Variants in ELFN1 observed in about 807,000 individuals in gnomAD.
ELFN1 encodes the protein protein ELFN1.
ELFN1 carries 6 observed loss-of-function variants against 7.6 expected under a neutral mutation model. That is an observed-to-expected ratio of 0.79 (90% CI 0.43 to 1.56). The LOEUF (loss-of-function observed/expected upper bound fraction) is 1.56. ELFN1 is among the 40% of genes most tolerant of loss of function. ELFN1 has a pLI of 0.01. For synonymous variants in ELFN1, 657 were observed against 588.1 expected (o/e 1.12, Z -1.70); for missense variants, 1,169 against 1,232.2 (o/e 0.95, Z 0.77).
chr7:1,722,169 T>C lies in ELFN1; in HGVS notation c.-294+12917T>C, dbSNP rs181589881. ...ACAAGTACAGGTGCTTGGCCCTACC[T>C]AGACTTACCAAATCAGGACCCCAGA... is the stretch of plus-strand genomic sequence containing the variant. On this transcript the variant is annotated intron_variant, in intron 3 of 3. Coordinates refer to ENST00000424383, the MANE Select transcript of ELFN1 (RefSeq NM_001128636.4). 2.5e-3 allele frequency among the ~76,000 whole-genome samples: 385 copies of C among 152,092 alleles called. 2 individuals carry two copies. The highest frequency in any genetic ancestry group is 1.9e-3 in the East Asian group (10 of 5,176).
intron 3 of ELFN1, among the ~76,000 whole-genome samples, chr7:1,728,922 A>G (rs541391967): frequency 1.3e-5 from 2 of 152,242 alleles, no homozygotes; most frequent in African/African-American, 4.8e-5. Context: ...CATGATGTCC[A>G]TCATCTCATG....
At chr7:1,713,090 C>T (rs554309615) in intron 3 of ELFN1, among the ~76,000 whole-genome samples, 1 of 152,344 alleles carries the variant, frequency 6.6e-6, no homozygotes, top group Admixed American at 6.5e-5. Flanking sequence ...AGCCCAAGTT[C>T]AGGCTCCTCC....
chr7:1,709,317 T>A (rs916652350), intron 3 of ELFN1, 65 bp downstream of exon 3: 1 of 152,238 alleles, frequency 6.6e-6, no homozygotes, highest in Non-Finnish European at 1.5e-5. Flanking sequence ...ACAGGAACAA[T>A]TCCTAATGAC....
At chr7:1,722,924 G>A (rs1030767519) in intron 3 of ELFN1, among the ~76,000 whole-genome samples, 1 of 152,086 alleles carries the variant, frequency 6.6e-6, no homozygotes, top group Non-Finnish European at 1.5e-5. Context: ...GCTGGGTGCG[G>A]TGGCTCACGC....
upstream of ELFN1, among the ~76,000 whole-genome samples, chr7:1,667,965 T>TTG (rs1554244399): frequency 2.2e-5 from 1 of 44,814 alleles, no homozygotes; most frequent in South Asian, 8.0e-4. The surrounding 1 kb of genome is among the most constrained non-coding windows in gnomAD (Gnocchi z 8.2). Context: ...CCGCTCGGGG[T>TTG]GGGGGGGGGG....
chr7:1,700,461 C>T (rs1463320693), intron 2 of ELFN1, among the ~76,000 whole-genome samples: 1 of 152,248 alleles, frequency 6.6e-6, no homozygotes, highest in African/African-American at 2.4e-5. Context: ...TTGCATACTT[C>T]TTCCCTTCTG....
At chr7:1,713,724 C>T (rs1019287027) in intron 3 of ELFN1, among the ~76,000 whole-genome samples, 6 of 152,168 alleles carry the variant, frequency 3.9e-5, no homozygotes, top group Admixed American at 1.3e-4. Flanking sequence ...CCTTCCCCTC[C>T]GTAGGTCTCG....
rs1349589290 is a variant in ELFN1 at position 1,747,151 on chromosome 7, A to C, written c.*68A>C. On this transcript the variant is annotated 3_prime_UTR_variant, in exon 4 of 4. Transcript: ENST00000424383. ...AGGATCCACCCAGAGACTCAGCACCAAACCCAACACACGCACGCCACCACA... is the reference window on the plus strand; with the variant it reads ...AGGATCCACCCAGAGACTCAGCACCCAACCCAACACACGCACGCCACCACA... 1 of 1,399,940 alleles carries C rather than the reference A, an allele frequency of 7.1e-7. No individual in the cohort carries two copies. The allele number at this position is 1,399,940 out of a possible 1,614,324, so 86.7% of individuals were successfully genotyped here.
intron 3 of ELFN1, among the ~76,000 whole-genome samples, chr7:1,730,631 C>T (rs1424109775): frequency 2.6e-5 from 4 of 152,320 alleles, no homozygotes; most frequent in South Asian, 2.1e-4. Flanking sequence ...GTGCCAATTT[C>T]GGATTTTAAA....
At chr7:1,697,190 C>T (rs1412137343) in intron 2 of ELFN1, among the ~76,000 whole-genome samples, 1 of 152,240 alleles carries the variant, frequency 6.6e-6, no homozygotes, top group African/African-American at 2.4e-5. Context: ...GAGGAGCCCC[C>T]CACCCCTCCA....
intron 3 of ELFN1, among the ~76,000 whole-genome samples, chr7:1,725,680 T>A (rs1487969360): frequency 6.6e-6 from 1 of 152,120 alleles, no homozygotes; most frequent in Non-Finnish European, 1.5e-5. Flanking sequence ...AATTAGACGC[T>A]CCTGTGTGTA....
intron 1 of ELFN1, among the ~76,000 whole-genome samples, chr7:1,687,378 G>T (rs1779079172): frequency 6.6e-6 from 1 of 151,558 alleles, no homozygotes; most frequent in African/African-American, 2.4e-5. Context: ...ACTTAAAAAA[G>T]GGTAGCATAT....
At chr7:1,698,946 C>A (rs1779370612) in intron 2 of ELFN1, among the ~76,000 whole-genome samples, 1 of 152,144 alleles carries the variant, frequency 6.6e-6, no homozygotes, top group Admixed American at 6.5e-5. Flanking sequence ...CTCCAGGTCA[C>A]CTCTCCCCCA....
rs1780745239 is a variant in ELFN1 at position 1,745,322 on chromosome 7, C to T, written c.726C>T (p.Ile242=). 1 of 1,539,572 alleles carries T rather than the reference C, an allele frequency of 6.5e-7. No homozygotes were observed. The highest frequency in any genetic ancestry group is 8.7e-7 in the Non-Finnish European group (1 of 1,146,746). The change falls in exon 4 of 4, where the codon ATC becomes ATT. Residue 242 remains isoleucine (I), a synonymous_variant. Transcript: ENST00000424383. ...LGQGRRGHRS[I]LSKLQSVCTE... ...AGGGCCGCCGCGGCCACCGCAGCAT[C>T]CTCAGCAAACTGCAGTCAGTCTGCA...
At chr7:1,666,074 A>AGCCGCCGCC (rs908277705), upstream of ELFN1, among the ~76,000 whole-genome samples, 1 of 148,694 alleles carries the variant, frequency 6.7e-6, no homozygotes. This position sits in a 1 kb window ranked among gnomAD's most constrained non-coding sequence, Gnocchi z 7.9. Flanking sequence ...AAGGAGGGGA[A>AGCCGCCGCC]GCCGCCGCCG....
At chr7:1,716,869 G>A (rs1314385316) in intron 3 of ELFN1, among the ~76,000 whole-genome samples, 1 of 152,220 alleles carries the variant, frequency 6.6e-6, no homozygotes, top group Non-Finnish European at 1.5e-5. Context: ...AGAGGAAGGA[G>A]AGTAGGGAGA....
At chr7:1,704,999 G>T (rs1779502189) in intron 2 of ELFN1, among the ~76,000 whole-genome samples, 2 of 152,164 alleles carry the variant, frequency 1.3e-5, no homozygotes, top group Non-Finnish European at 2.9e-5. Flanking sequence ...GCCTGGGTGG[G>T]TCTGCGAGAG....
intron 1 of ELFN1, among the ~76,000 whole-genome samples, chr7:1,676,029 C>A (rs115210044): frequency 6.6e-6 from 1 of 152,112 alleles, no homozygotes; most frequent in Non-Finnish European, 1.5e-5. Flanking sequence ...GAGTGCTGAC[C>A]GAGGGAGGCT....
Position 1,745,574 on chromosome 7 carries a change from G to T in ELFN1, c.978G>T (p.Gln326His). The T allele has an allele frequency of 1.3e-6, 2 of 1,550,554 alleles. No individual in the cohort carries two copies. Among genetic ancestry groups the T allele is most frequent in the Non-Finnish European group, 8.7e-7 (1 of 1,146,958 alleles). Residue 326 changes from glutamine to histidine, a missense_variant, in exon 4 of 4, where the codon CAG becomes CAT. Gln to His is a conservative substitution (Grantham distance 24). Transcript: ENST00000424383. The part of the protein sequence containing the change: ...RPLIKVKQLT[Q>H]NSATITVQLP... The stretch of plus-strand genomic sequence containing the variant: ...TCATCAAGGTCAAGCAGCTCACTCA[G>T]AACTCGGCCACCATCACCGTCCAGC...
Sources: allele counts gnomAD v4.1 joint callset (sites outside exome capture counted in the v4.1 genomes callset), GRCh38; gene constraint gnomAD v4.1.1; non-coding constraint Gnocchi (gnomAD v3.1); transcripts MANE v1.5; gene names NCBI Gene and HGNC (gene_info 2026-07-23, HGNC 2026-07-21).